The following LYPD6B variants were observed in gnomAD, a reference collection of about 807,000 sequenced individuals.
LYPD6B encodes the protein LY6/PLAUR domain containing 6B, also known as ly6/PLAUR domain-containing protein 6B.
Under a neutral mutation model 22.8 loss-of-function variants are expected in LYPD6B, and 17 were observed. That is an observed-to-expected ratio of 0.75 (90% CI 0.51 to 1.12). The LOEUF (loss-of-function observed/expected upper bound fraction) is 1.12, where lower values mean the gene tolerates loss of function less well. Among genes scored for constraint, LYPD6B ranks in the 50% most tolerant of loss-of-function variants. LYPD6B has a pLI of 0.00. For missense variants in LYPD6B, 221 were observed against 258.3 expected (o/e 0.86, Z 0.99); for synonymous variants, 106 against 91.6 (o/e 1.16, Z -0.90).
intron 2 of LYPD6B, among the ~76,000 whole-genome samples, chr2:149,147,504 T>A (rs995944090): frequency 1.3e-5 from 2 of 152,030 alleles, no homozygotes; most frequent in Non-Finnish European, 2.9e-5. Flanking sequence ...TGTTTTTTTG[T>A]TTTTTGTTTG....
intron 3 of LYPD6B, among the ~76,000 whole-genome samples, chr2:149,189,816 G>A (rs921585256): frequency 2.0e-5 from 3 of 152,096 alleles, no homozygotes; most frequent in East Asian, 1.9e-4. Flanking sequence ...ATGGTGAATT[G>A]TCAGGTACCC....
At chr2:149,051,550 A>T (rs1426196860) in intron 1 of LYPD6B, among the ~76,000 whole-genome samples, 1 of 152,186 alleles carries the variant, frequency 6.6e-6, no homozygotes, top group Non-Finnish European at 1.5e-5. Context: ...GCTTTTTGCT[A>T]TTATAAACAG....
intron 1 of LYPD6B, among the ~76,000 whole-genome samples, chr2:149,107,587 C>T (rs986910223): frequency 6.6e-6 from 1 of 152,180 alleles, no homozygotes; most frequent in African/African-American, 2.4e-5. Flanking sequence ...CTATTTAATT[C>T]AGAACAATTT....
intron 1 of LYPD6B, among the ~76,000 whole-genome samples, chr2:149,116,553 T>C (rs1687015113): frequency 6.6e-6 from 1 of 152,214 alleles, no homozygotes; most frequent in South Asian, 2.1e-4. Context: ...ACCTATTCGA[T>C]TTGAATCTGA....
chr2:149,189,118 T>C (rs1262596044), intron 3 of LYPD6B, among the ~76,000 whole-genome samples: 1 of 151,822 alleles, frequency 6.6e-6, no homozygotes, highest in East Asian at 1.9e-4. Flanking sequence ...CCTCTTCCTA[T>C]GAAGACTTCA....
chr2:149,148,693 A>G (rs569967735), intron 2 of LYPD6B, among the ~76,000 whole-genome samples: 3 of 152,290 alleles, frequency 2.0e-5, no homozygotes, highest in African/African-American at 7.2e-5. Context: ...GAATTTTTCC[A>G]TTTAAAAAAC....
chr2:149,208,938 C>T (rs967108872), intron 5 of LYPD6B, among the ~76,000 whole-genome samples: 11 of 152,246 alleles, frequency 7.2e-5, no homozygotes, highest in African/African-American at 2.2e-4. Context: ...CTTAGAACTA[C>T]GACCTGAGTG....
intron 1 of LYPD6B, among the ~76,000 whole-genome samples, chr2:149,108,716 T>C (rs1559002095): frequency 6.6e-6 from 1 of 152,222 alleles, no homozygotes. Context: ...GTTTAAGTTT[T>C]TCATCTTGCT....
chr2:149,056,266 T>G (rs1558971308), intron 1 of LYPD6B, among the ~76,000 whole-genome samples: 1 of 152,310 alleles, frequency 6.6e-6, no homozygotes, highest in East Asian at 1.9e-4. Context: ...ACTGTATGCT[T>G]CAGGTACTGT....
At chr2:149,047,798 A>G (rs973288070) in intron 1 of LYPD6B, among the ~76,000 whole-genome samples, 2 of 151,990 alleles carry the variant, frequency 1.3e-5, no homozygotes, top group Non-Finnish European at 2.9e-5. Context: ...TGGGCACTCC[A>G]TTCGTTTTTT....
chr2:149,043,937 C>A (rs995303948), intron 1 of LYPD6B, among the ~76,000 whole-genome samples: 1 of 152,072 alleles, frequency 6.6e-6, no homozygotes, highest in Non-Finnish European at 1.5e-5. Flanking sequence ...AATCAATTAG[C>A]TAAAATGTAA....
chr2:149,187,450 AGAT>A, intron 3 of LYPD6B: 8 of 1,531,416 alleles, frequency 5.2e-6, no homozygotes, highest in Non-Finnish European at 7.0e-6. Flanking sequence ...GTACAGAAGA[AGAT>A]GAGAATCACA....
intron 1 of LYPD6B, among the ~76,000 whole-genome samples, chr2:149,117,467 C>T (rs371735496): frequency 2.6e-5 from 4 of 151,992 alleles, no homozygotes; most frequent in Non-Finnish European, 4.4e-5. Flanking sequence ...GATGGGGTTT[C>T]GCCATGTTAG....
At chr2:149,045,977 G>C (rs1306863772) in intron 1 of LYPD6B, among the ~76,000 whole-genome samples, 1 of 152,106 alleles carries the variant, frequency 6.6e-6, no homozygotes. Flanking sequence ...ATAACCAAGA[G>C]AGGAATGTTA....
At chr2:149,150,912 T>A (rs75404005) in intron 2 of LYPD6B, among the ~76,000 whole-genome samples, 55 of 151,838 alleles carry the variant, frequency 3.6e-4, no homozygotes, top group Middle Eastern at 3.4e-3. Flanking sequence ...CTGATTTTTT[T>A]AAATTTTCTA....
At chr2:149,049,302 A>T (rs1683443908) in intron 1 of LYPD6B, among the ~76,000 whole-genome samples, 1 of 152,130 alleles carries the variant, frequency 6.6e-6, no homozygotes, top group Admixed American at 6.5e-5. Context: ...TACCTTGCAA[A>T]TTGTTTTGAA....
chr2:149,139,452 T>C (rs981861637), intron 2 of LYPD6B, among the ~76,000 whole-genome samples: 7 of 152,192 alleles, frequency 4.6e-5, no homozygotes, highest in Non-Finnish European at 1.0e-4. Context: ...TGCCCCCTCT[T>C]GTAATAATGT....
chr2:149,168,447 C>T (rs990895411), intron 3 of LYPD6B, among the ~76,000 whole-genome samples: 1 of 152,114 alleles, frequency 6.6e-6, no homozygotes, highest in South Asian at 2.1e-4. Flanking sequence ...CCAAATTTAA[C>T]TTTAACCTGC....
chr2:149,145,039 A>AT (rs1402300826), intron 2 of LYPD6B, among the ~76,000 whole-genome samples: 1 of 151,974 alleles, frequency 6.6e-6, no homozygotes, highest in Non-Finnish European at 1.5e-5. Context: ...ATATGTGCAT[A>AT]TTTTTTCTGG....
Sources: allele counts gnomAD v4.1 joint callset (sites outside exome capture counted in the v4.1 genomes callset), GRCh38; gene constraint gnomAD v4.1.1; transcripts MANE v1.5; gene names NCBI Gene and HGNC (gene_info 2026-07-23, HGNC 2026-07-21).